PCDH7: variants seen among roughly 807,000 people sequenced by gnomAD.
PCDH7 encodes protocadherin 7.
PCDH7 carries 17 observed loss-of-function variants against 58.9 expected under a neutral mutation model. That is an observed-to-expected ratio of 0.29 (90% confidence interval 0.20 to 0.43). The LOEUF (loss-of-function observed/expected upper bound fraction) is 0.43, where lower values mean the gene tolerates loss of function less well. Ranked by LOEUF, PCDH7 falls within the 20% of genes least tolerant of loss-of-function variation. The pLI, the probability that PCDH7 is intolerant of heterozygous loss-of-function variation, is 1.00. For synonymous variants in PCDH7, 664 were observed against 616.4 expected, an observed-to-expected ratio of 1.08 and a Z score of -1.14; for missense variants, 1,274 against 1,441.0, an observed-to-expected ratio of 0.88 and a Z score of 1.88.
chr4:30,730,423 C>T (rs1162750168), intron 1 of PCDH7, among the ~76,000 whole-genome samples: 2 of 152,236 alleles, frequency 1.3e-5, no homozygotes, highest in East Asian at 1.9e-4. Context: ...GCTGAAACCA[C>T]TAAAACTAAT....
At chr4:31,061,235 G>T (rs764214844) in intron 3 of PCDH7, among the ~76,000 whole-genome samples, 4 of 151,604 alleles carry the variant, frequency 2.6e-5, no homozygotes, top group Non-Finnish European at 4.4e-5. Context: ...TCCCTGGATT[G>T]AATATTTGTG....
intron 1 of PCDH7, among the ~76,000 whole-genome samples, chr4:30,823,754 T>G (rs906629595): frequency 1.3e-5 from 2 of 152,192 alleles, no homozygotes; most frequent in East Asian, 3.9e-4. Flanking sequence ...CTAATGCTCT[T>G]AAATTATCCT....
chr4:30,943,368 T>A (rs1477458208), intron 2 of PCDH7, among the ~76,000 whole-genome samples: 1 of 152,160 alleles, frequency 6.6e-6, no homozygotes, highest in Non-Finnish European at 1.5e-5. Flanking sequence ...CACTTAATTC[T>A]CACTGCATTT....
At chr4:30,732,743 G>A (rs1449877826) in exon 2 of PCDH7, 1 of 151,940 alleles carries the variant, frequency 6.6e-6, no homozygotes, top group Non-Finnish European at 1.5e-5. Flanking sequence ...CAGCACTCTA[G>A]ACTGGGGTAG....
At chr4:30,959,361 A>G (rs555604988) in intron 3 of PCDH7, among the ~76,000 whole-genome samples, 3 of 152,056 alleles carry the variant, frequency 2.0e-5, no homozygotes, top group Admixed American at 6.5e-5. Context: ...GTTATGAACT[A>G]TTTTCTGGGC....
chr4:30,980,656 T>C (rs1233258300), intron 3 of PCDH7, among the ~76,000 whole-genome samples: 2 of 152,108 alleles, frequency 1.3e-5, no homozygotes, highest in African/African-American at 4.8e-5. Context: ...CATTGTTGAG[T>C]GAGAAAAAAA....
intron 3 of PCDH7, among the ~76,000 whole-genome samples, chr4:30,965,914 G>T (rs71598134): frequency 0.025 from 3,866 of 152,200 alleles, 80 homozygotes; most frequent in East Asian, 0.044. Context: ...GCAGTATCCG[G>T]ACAGGATGGC....
intron 1 of PCDH7, among the ~76,000 whole-genome samples, chr4:30,868,540 G>T (rs1430352024): frequency 6.6e-6 from 1 of 151,884 alleles, no homozygotes; most frequent in Non-Finnish European, 1.5e-5. Flanking sequence ...GTTTGTAATG[G>T]CAATTCCTTG....
intron 1 of PCDH7, among the ~76,000 whole-genome samples, chr4:30,913,517 T>C (rs1742044149): frequency 1.3e-5 from 2 of 152,210 alleles, no homozygotes; most frequent in South Asian, 2.1e-4. Flanking sequence ...GTTTATTTTT[T>C]GAAAAAAAGG....
chr4:31,039,982 G>A (rs1439371625), intron 3 of PCDH7, among the ~76,000 whole-genome samples: 1 of 152,092 alleles, frequency 6.6e-6, no homozygotes, highest in Non-Finnish European at 1.5e-5. Flanking sequence ...ACAAACAGGG[G>A]GCTTCAGAAA....
chr4:31,118,221 A>G (rs1460388376), intron 3 of PCDH7, among the ~76,000 whole-genome samples: 1 of 152,178 alleles, frequency 6.6e-6, no homozygotes, highest in Non-Finnish European at 1.5e-5. Flanking sequence ...CATGTCCAGC[A>G]TTGTAAGAAA....
chr4:30,930,015 A>G (rs1216299766), intron 2 of PCDH7, among the ~76,000 whole-genome samples: 1 of 152,204 alleles, frequency 6.6e-6, no homozygotes, highest in African/African-American at 2.4e-5. Context: ...ATTTTTATGG[A>G]CTCAAAGGTG....
chr4:30,825,667 G>A (rs1729011612), intron 1 of PCDH7, among the ~76,000 whole-genome samples: 1 of 152,140 alleles, frequency 6.6e-6, no homozygotes, highest in African/African-American at 2.4e-5. Context: ...CAATGACAAG[G>A]AATGGGTCAA....
At chr4:30,943,778 G>A (rs1267257840) in intron 2 of PCDH7, among the ~76,000 whole-genome samples, 1 of 149,702 alleles carries the variant, frequency 6.7e-6, no homozygotes, top group East Asian at 2.0e-4. Flanking sequence ...TTTTATGTGT[G>A]GCCCAAGACA....
At chr4:30,796,200 A>T (rs1724752101) in intron 1 of PCDH7, among the ~76,000 whole-genome samples, 1 of 152,120 alleles carries the variant, frequency 6.6e-6, no homozygotes, top group African/African-American at 2.4e-5. Context: ...TTTTCTTCAA[A>T]TATTTTACTG....
chr4:30,949,914 T>C (rs1034854211), intron 2 of PCDH7, among the ~76,000 whole-genome samples: 3 of 152,176 alleles, frequency 2.0e-5, no homozygotes, highest in African/African-American at 4.8e-5. Flanking sequence ...TGGAGAATCA[T>C]AGTTGAAAGA....
chr4:30,759,233 C>T (rs757328361), intron 1 of PCDH7, among the ~76,000 whole-genome samples: 5 of 152,078 alleles, frequency 3.3e-5, no homozygotes, highest in East Asian at 1.9e-4. Flanking sequence ...TGAGCCACTG[C>T]GCCTGGCCTC....
chr4:30,728,725 G>T (rs1362439303), intron 1 of PCDH7, among the ~76,000 whole-genome samples: 1 of 151,288 alleles, frequency 6.6e-6, no homozygotes, highest in Non-Finnish European at 1.5e-5. Flanking sequence ...AGACCACAAA[G>T]TCAGTTTAAA....
chr4:30,904,568 G>GCTTC (rs1740668134), intron 1 of PCDH7, among the ~76,000 whole-genome samples: 1 of 152,104 alleles, frequency 6.6e-6, no homozygotes, highest in Non-Finnish European at 1.5e-5. Context: ...ACATGTCTCC[G>GCTTC]CTTCCATTCA....
Sources: gnomAD v4.1 joint callset for allele counts (sites outside exome capture counted in the v4.1 genomes callset) on GRCh38, gnomAD v4.1.1 for gene constraint, MANE v1.5 for transcripts, NCBI Gene and HGNC (gene_info 2026-07-23, HGNC 2026-07-21) for gene names.